Variants in CCDC9 observed in about 807,000 individuals in gnomAD.
CCDC9 encodes coiled-coil domain containing 9.
In CCDC9, 52 loss-of-function variants were observed where a neutral mutation model predicts 65.6. The ratio of observed to expected loss-of-function variants is 0.79; its 90% CI spans 0.63 to 1.00. The LOEUF (loss-of-function observed/expected upper bound fraction) is 1.00, where lower values mean the gene tolerates loss of function less well. Ranked by LOEUF, CCDC9 falls within the 50% of genes least tolerant of loss-of-function variation. The pLI is 0.00. For missense variants in CCDC9, 834 were observed against 757.2 expected (o/e 1.10, Z -1.19); for synonymous variants, 332 against 280.3 (o/e 1.18, Z -1.84).
At chr19:47,257,986 T>C (rs2059021977) in intron 1 of CCDC9, 1 of 241,564 alleles carries the variant, frequency 4.1e-6, no homozygotes, top group Non-Finnish European at 8.2e-6. Flanking sequence ...GAACCCGGGC[T>C]AACACTCATA....
chr19:47,260,522 G>A, intron 4 of CCDC9, 66 bp from the exon 5 acceptor site: 1 of 1,582,186 alleles, frequency 6.3e-7, no homozygotes, highest in Non-Finnish European at 8.6e-7. Flanking sequence ...CCAGTGGGTG[G>A]CCTCCATCCT....
intron 3 of CCDC9, 22 bp from the exon 4 acceptor site, chr19:47,260,299 T>C: frequency 6.5e-7 from 1 of 1,540,356 alleles, no homozygotes; most frequent in Non-Finnish European, 8.8e-7. Context: ...GATGCTTCCC[T>C]ACCCCGGCTG....
intron 5 of CCDC9, 68 bp from the exon 6 acceptor site, chr19:47,264,534 GC>G (rs2059067519): frequency 6.9e-7 from 1 of 1,443,086 alleles, no homozygotes. Flanking sequence ...CTGCTGGGCA[GC>G]CCGTCTCCTG....
At chr19:47,271,015 A>G (rs1273402918) in intron 10 of CCDC9, 67 bp from the exon 11 acceptor site, 22 of 1,194,306 alleles carry the variant, frequency 1.8e-5, no homozygotes, top group Non-Finnish European at 2.6e-5. Context: ...GGGAGGGTGG[A>G]GGCAGGAAGC....
At chr19:47,273,753 G>A (rs1600296135), downstream of CCDC9, 1 of 337,084 alleles carries the variant, frequency 3.0e-6, no homozygotes, top group East Asian at 4.6e-5. Flanking sequence ...TTGCATCCGA[G>A]GCCTGGCAGC....
At chr19:47,263,227 GCGGCAA>G (rs1331814451) in intron 5 of CCDC9, among the ~76,000 whole-genome samples, 1 of 152,156 alleles carries the variant, frequency 6.6e-6, no homozygotes. Context: ...CACTATGATT[GCGGCAA>G]CCTTGGTGTG....
intron 1 of CCDC9, among the ~76,000 whole-genome samples, chr19:47,257,226 C>T (rs2059016226): frequency 1.3e-5 from 2 of 148,796 alleles, no homozygotes; most frequent in Admixed American, 6.7e-5. Context: ...GGGAGGGAGT[C>T]AGGGGGCGTG....
chr19:47,262,550 G>A (rs755491170), intron 5 of CCDC9, among the ~76,000 whole-genome samples: 1 of 152,076 alleles, frequency 6.6e-6, no homozygotes, highest in Admixed American at 6.6e-5. Flanking sequence ...TGGCCCCTAG[G>A]TCCTGGTCAT....
At chr19:47,265,419 T>G (rs1600284249) in intron 7 of CCDC9, among the ~76,000 whole-genome samples, 1 of 152,028 alleles carries the variant, frequency 6.6e-6, no homozygotes, top group African/African-American at 2.4e-5. Flanking sequence ...CTCCCCTCAT[T>G]GTTAATGACA....
In CCDC9 at chr19:47,264,794, C is replaced by G. The variant is rs1568638231; in HGVS notation, c.568C>G (p.Pro190Ala). The G allele has an allele frequency of 6.3e-7, 1 of 1,595,436 alleles. No homozygotes were observed. Among genetic ancestry groups the G allele is most frequent in the East Asian group, 2.2e-5 (1 of 44,578 alleles). Residue 190 changes from proline to alanine, a missense_variant, in exon 7 of 12, where the codon CCA becomes GCA. Physicochemically the swap from Pro to Ala is conservative, Grantham distance 27 (BLOSUM62 -1). Transcript: ENST00000221922. ...GCAGGAAGGGGTTCTTGAACCCAACCCAGTGCGGAACTTCCTGGACGACCC... is the reference window on the plus strand; with the variant it reads ...GCAGGAAGGGGTTCTTGAACCCAACGCAGTGCGGAACTTCCTGGACGACCC... ...NQREGVLEPN[P>A]VRNFLDDPRR... is the part of the protein sequence containing the mutation.
intron 5 of CCDC9, among the ~76,000 whole-genome samples, chr19:47,263,383 G>A (rs1179641240): frequency 6.6e-6 from 1 of 152,102 alleles, no homozygotes; most frequent in Non-Finnish European, 1.5e-5. Context: ...AGGTCTGGAG[G>A]AAACCCGGCA....
chr19:47,262,834 C>G (rs1568637405), intron 5 of CCDC9, among the ~76,000 whole-genome samples: 2 of 152,040 alleles, frequency 1.3e-5, no homozygotes, highest in Non-Finnish European at 2.9e-5. Flanking sequence ...GCTTGTGGTC[C>G]TAGCTACTTG....
chr19:47,270,752 G>A (rs2059111628), intron 10 of CCDC9, 64 bp downstream of exon 10: 1 of 1,501,458 alleles, frequency 6.7e-7, no homozygotes, highest in African/African-American at 1.4e-5. Flanking sequence ...TCTCTTCTTT[G>A]GCTTGCTGTG....
Position 47,258,540 on chromosome 19 carries a change from A to G in CCDC9, c.4-19A>G. 1 of 1,610,808 alleles carries G rather than the reference A, an allele frequency of 6.2e-7. No homozygotes were observed. The highest frequency in any genetic ancestry group is 8.5e-7 in the Non-Finnish European group (1 of 1,177,050). On this transcript the variant is annotated intron_variant, in intron 2 of 11. Transcript: ENST00000221922. ...ATGGAGGTTTTTCCTTCCATCCCTCAACTGCCTCCCGGTCTCAGGCAGCCA... is the reference window on the plus strand; with the variant it reads ...ATGGAGGTTTTTCCTTCCATCCCTCGACTGCCTCCCGGTCTCAGGCAGCCA...
intron 3 of CCDC9, among the ~76,000 whole-genome samples, chr19:47,259,469 G>A (rs113002274): frequency 1.3e-5 from 2 of 152,172 alleles, no homozygotes; most frequent in African/African-American, 4.8e-5. Flanking sequence ...AGTGGGAGAG[G>A]AGGTACCTGG....
Position 47,271,730 on chromosome 19 carries a change from TGTGCGCGCGCGCGCGCGCGC to T in CCDC9, c.*54_*73del, listed in dbSNP as rs1289935704. 142 of 672,220 alleles carry T rather than the reference TGTGCGCGCGCGCGCGCGCGC, an allele frequency of 2.1e-4. No individual in the cohort carries two copies. The highest frequency in any genetic ancestry group is 1.8e-3 in the Admixed American group (20 of 11,384). 41.6% of individuals were successfully genotyped at this position (672,220 alleles called of 1,614,324 possible). On this transcript the variant is annotated 3_prime_UTR_variant, in exon 12 of 12. Transcript: ENST00000221922. ...GTGTGTGTGTGTGTGTGTGTGTGTG[TGTGCGCGCGCGCGCGCGCGC>T]GCGCGCGCGCTAGAGGGGTGTGGCT...
chr19:47,267,854 T>C (rs1052096222), intron 8 of CCDC9, among the ~76,000 whole-genome samples: 9 of 151,956 alleles, frequency 5.9e-5, no homozygotes, highest in African/African-American at 1.9e-4. Context: ...TTTTTTTTTT[T>C]ACTTTTTTTT....
At chr19:47,275,501 G>T, downstream of CCDC9, 16 of 1,123,394 alleles carry the variant, frequency 1.4e-5, no homozygotes, top group South Asian at 2.7e-4. Context: ...GGCCCAGGGG[G>T]TGTCAGCTCG....
At chr19:47,272,923 T>C (rs1393939871), downstream of CCDC9, among the ~76,000 whole-genome samples, 2 of 151,726 alleles carry the variant, frequency 1.3e-5, no homozygotes, top group Admixed American at 6.6e-5. Context: ...GATTAGGATT[T>C]TGGGGGCAGA....
Sources: gnomAD v4.1 joint callset for allele counts (sites outside exome capture counted in the v4.1 genomes callset) on GRCh38, gnomAD v4.1.1 for gene constraint, MANE v1.5 for transcripts, NCBI Gene and HGNC (gene_info 2026-07-23, HGNC 2026-07-21) for gene names.